Variants in PACSIN2 observed in about 807,000 individuals in gnomAD.
PACSIN2 encodes protein kinase C and casein kinase substrate in neurons protein 2.
A neutral mutation model predicts 63.8 loss-of-function variants in PACSIN2; 25 were observed. That is an observed-to-expected ratio of 0.39 (90% CI 0.29 to 0.55). The LOEUF is 0.55. Among genes scored for constraint, PACSIN2 ranks in the 20% least tolerant of loss-of-function variants. The probability of loss-of-function intolerance (pLI) is 0.62; values close to 1 mark genes in which losing one functional copy is unlikely to be tolerated. For missense variants in PACSIN2, 518 were observed against 646.9 expected (o/e 0.80, Z 2.16); for synonymous variants, 255 against 256.2 (o/e 1.00, Z 0.05).
chr22:42,981,488 G>A (rs1365514362), intron 1 of PACSIN2, among the ~76,000 whole-genome samples: 1 of 53,080 alleles, frequency 1.9e-5, no homozygotes, highest in African/African-American at 1.0e-4. Flanking sequence ...GGCGGCGGGG[G>A]GGGTCGGCCA....
chr22:42,982,884 A>AAAAAACAAAAAAC (rs1922303478), intron 1 of PACSIN2, among the ~76,000 whole-genome samples: 2 of 137,874 alleles, frequency 1.5e-5, no homozygotes, highest in African/African-American at 5.6e-5. Flanking sequence ...AAAAAAAAAA[A>AAAAAACAAAAAAC]AAAAAACAAC....
At chr22:42,921,426 T>C (rs1932190085) in intron 1 of PACSIN2, among the ~76,000 whole-genome samples, 1 of 151,284 alleles carries the variant, frequency 6.6e-6, no homozygotes, top group Non-Finnish European at 1.5e-5. Flanking sequence ...CAGATGACTT[T>C]CAGGGAAACC....
At chr22:42,930,976 G>C (rs1456238751) in intron 1 of PACSIN2, among the ~76,000 whole-genome samples, 3 of 152,228 alleles carry the variant, frequency 2.0e-5, no homozygotes, top group Non-Finnish European at 4.4e-5. Flanking sequence ...AGAGTGACAG[G>C]CTGGATGCTA....
At chr22:42,936,742 C>T (rs1932931012) in intron 1 of PACSIN2, among the ~76,000 whole-genome samples, 1 of 152,048 alleles carries the variant, frequency 6.6e-6, no homozygotes, top group South Asian at 2.1e-4. Flanking sequence ...GAAACCCCAT[C>T]TCCACTAAAA....
At chr22:42,975,381 G>C (rs1468804239) in intron 1 of PACSIN2, among the ~76,000 whole-genome samples, 1 of 151,404 alleles carries the variant, frequency 6.6e-6, no homozygotes, top group Non-Finnish European at 1.5e-5. Context: ...CACTTTGGGA[G>C]GCTGAGGCAG....
intron 1 of PACSIN2, among the ~76,000 whole-genome samples, chr22:42,931,370 G>A (rs1932774098): frequency 6.6e-6 from 1 of 152,248 alleles, no homozygotes; most frequent in South Asian, 2.1e-4. Context: ...TGAAGTAGCT[G>A]CTTTCCACCC....
Position 42,998,894 on chromosome 22 carries a change from T to C in PACSIN2, c.-78+16127A>G, listed in dbSNP as rs112831223. 5.0e-3 allele frequency among the ~76,000 whole-genome samples: 767 copies of C among 152,214 alleles called. 4 individuals carry two copies. The highest frequency in any genetic ancestry group is 0.018 in the African/African-American group (739 of 41,496). On this transcript the variant is annotated intron_variant, in intron 1 of 10. Transcript: ENST00000263246. ...TCGAGAGGAGTTGAGCTGGGGGCAG[T>C]TGAAGAGGAGATCGGCTGCAGAATG...
chr22:43,009,242 C>A (rs553141630), intron 1 of PACSIN2, among the ~76,000 whole-genome samples: 1 of 152,336 alleles, frequency 6.6e-6, no homozygotes, highest in Admixed American at 6.5e-5. Context: ...AACGTGCTGA[C>A]CAAGCCTGGC....
chr22:42,939,619 T>C (rs1209189558), intron 1 of PACSIN2, among the ~76,000 whole-genome samples: 1 of 152,122 alleles, frequency 6.6e-6, no homozygotes, highest in African/African-American at 2.4e-5. Flanking sequence ...ATAACAACTT[T>C]TGCTTTCAAA....
intron 1 of PACSIN2, among the ~76,000 whole-genome samples, chr22:42,993,136 T>C (rs553229594): frequency 7.0e-4 from 106 of 151,138 alleles, no homozygotes; most frequent in Non-Finnish European, 1.2e-3. Flanking sequence ...ATTGCACCAC[T>C]GCACTCCAGC....
At chr22:42,930,838 G>T (rs1486708539) in intron 1 of PACSIN2, among the ~76,000 whole-genome samples, 1 of 152,220 alleles carries the variant, frequency 6.6e-6, no homozygotes, top group Admixed American at 6.5e-5. Flanking sequence ...GCAGAGCTTG[G>T]ATTCAAACCC....
At chr22:42,978,256 T>A (rs1921843456) in intron 1 of PACSIN2, among the ~76,000 whole-genome samples, 2 of 152,216 alleles carry the variant, frequency 1.3e-5, no homozygotes. Flanking sequence ...TTTTAAAACA[T>A]GCATTTGTGA....
chr22:42,905,130 CA>C (rs749563078), intron 2 of PACSIN2, among the ~76,000 whole-genome samples: 3 of 152,226 alleles, frequency 2.0e-5, no homozygotes, highest in Non-Finnish European at 2.9e-5. Flanking sequence ...ATTTTATCTT[CA>C]GAAGACAAGC....
intron 1 of PACSIN2, among the ~76,000 whole-genome samples, chr22:42,979,361 T>C (rs747816009): frequency 6.6e-6 from 1 of 151,554 alleles, no homozygotes; most frequent in African/African-American, 2.4e-5. Flanking sequence ...CCATCTCTAC[T>C]AAAAATACAA....
At chr22:43,010,673 G>A (rs1924431161) in intron 1 of PACSIN2, among the ~76,000 whole-genome samples, 1 of 152,096 alleles carries the variant, frequency 6.6e-6, no homozygotes, top group South Asian at 2.1e-4. Flanking sequence ...TCACACCACA[G>A]GGCACTTCCA....
At position 42,888,748 on chromosome 22, in the gene PACSIN2, C is replaced by T. The variant is rs773265129; in HGVS notation, c.504G>A (p.Leu168=). 60 of 1,614,208 alleles carry T rather than the reference C, an allele frequency of 3.7e-5. No individual in the cohort carries two copies. The highest frequency in any genetic ancestry group is 4.9e-5 in the Non-Finnish European group (58 of 1,180,010). ...TGCTGTTGGCTTCTCGTGAGATAGCCAGCTTCTCCTCTTTGCACGCTGCAT... is the reference window on the plus strand; with the variant it reads ...TGCTGTTGGCTTCTCGTGAGATAGCTAGCTTCTCCTCTTTGCACGCTGCAT... ...AHHAACKEEK[L]AISREANSKA... is the part of the protein sequence containing the mutation. Residue 168 remains leucine (L), a synonymous_variant, in exon 5 of 11, where the codon CTG becomes CTA. Coordinates refer to ENST00000263246, the MANE Select transcript of PACSIN2 (RefSeq NM_001184970.3).
intron 1 of PACSIN2, among the ~76,000 whole-genome samples, chr22:42,965,976 T>A (rs1178181154): frequency 6.6e-6 from 1 of 152,156 alleles, no homozygotes; most frequent in African/African-American, 2.4e-5. Context: ...ATGTGATAGG[T>A]CAATCTTTTT....
intron 2 of PACSIN2, among the ~76,000 whole-genome samples, chr22:42,894,867 T>C (rs1019464528): frequency 3.9e-5 from 6 of 152,174 alleles, no homozygotes; most frequent in African/African-American, 1.4e-4. Context: ...GTCAACCCCT[T>C]GTCAGTTTTA....
chr22:43,000,076 C>T (rs1272948999), intron 1 of PACSIN2, among the ~76,000 whole-genome samples: 2 of 152,222 alleles, frequency 1.3e-5, no homozygotes, highest in Non-Finnish European at 2.9e-5. Flanking sequence ...CAAGCCCAGG[C>T]AATCTGGTTG....
Sources: gnomAD v4.1 joint callset for allele counts (sites outside exome capture counted in the v4.1 genomes callset) on GRCh38, gnomAD v4.1.1 for gene constraint, MANE v1.5 for transcripts, NCBI Gene and HGNC (gene_info 2026-07-23, HGNC 2026-07-21) for gene names.